Variants in PLA2G4F observed in about 807,000 individuals in gnomAD.
The protein encoded by PLA2G4F is cytosolic phospholipase A2 zeta.
In PLA2G4F, 105 loss-of-function variants were observed where a neutral mutation model predicts 103.1. The observed-to-expected ratio is 1.02, with a 90% CI of 0.87 to 1.20. The LOEUF (loss-of-function observed/expected upper bound fraction) is 1.20. Among genes scored for constraint, PLA2G4F ranks in the 50% most tolerant of loss-of-function variants. The probability of loss-of-function intolerance (pLI) is 0.00; values close to 1 mark genes in which losing one functional copy is unlikely to be tolerated. For synonymous variants in PLA2G4F, 468 were observed against 441.1 expected (o/e 1.06, Z -0.76); for missense variants, 1,155 against 1,075.9 (o/e 1.07, Z -1.03).
rs148739708 is a variant in PLA2G4F, at chr15:42,154,353, G to C, written c.290C>G (p.Thr97Ser). 53 of 1,611,102 alleles carry C rather than the reference G, an allele frequency of 3.3e-5. No individual in the cohort carries two copies. Among genetic ancestry groups the C allele is most frequent in the Non-Finnish European group, 4.4e-5 (52 of 1,178,094 alleles). Reference sequence around the variant, plus strand: ...AGCACCATGGATCTGGTAGTGGAAGGTCTCATTCCACTCGGGGTCACTGCA... The same window carrying C: ...AGCACCATGGATCTGGTAGTGGAAGCTCTCATTCCACTCGGGGTCACTGCA... ...ANCSDPEWNE[T>S]FHYQIHGAVK... is the part of the protein sequence containing the mutation. The change falls in exon 3 of 20, where the codon ACC becomes AGC. Residue 97 changes from threonine (T) to serine (S), a missense_variant. Thr to Ser is a moderately conservative substitution (Grantham distance 58). Around this residue, in one of 3 missense-constraint regions of PLA2G4F, gnomAD observed 370 missense variants for 364.9 expected, o/e 1.01. Coordinates refer to ENST00000397272, the MANE Select transcript of PLA2G4F (RefSeq NM_213600.4).
At chr15:42,148,779 A>T in intron 11 of PLA2G4F, 1 of 985,406 alleles carries the variant, frequency 1.0e-6, no homozygotes, top group Non-Finnish European at 1.2e-6. Context: ...GATTTGGCTC[A>T]TTCCACTCTG....
Position 42,154,420 on chromosome 15 carries a change from T to C in PLA2G4F, c.223A>G (p.Thr75Ala). 6.2e-7 allele frequency: 1 copy of C among 1,608,412 alleles called. No individual in the cohort carries two copies. Among genetic ancestry groups the C allele is most frequent in the African/African-American group, 1.3e-5 (1 of 74,900 alleles). The part of the protein sequence containing the change: ...ADCYVQLWLP[T>A]ASPSPAQTRI... ...GTCTGGGCAGGGCTTGGGGACGCCG[T>C]GGGCAGCCACAGTTGCACATAGCAG... Residue 75 changes from threonine to alanine, a missense_variant, in exon 3 of 20, where the codon ACG (threonine) becomes GCG (alanine). By Grantham distance (58) the Thr-to-Ala change is moderately conservative. Coordinates refer to ENST00000397272, the MANE Select transcript of PLA2G4F (RefSeq NM_213600.4).
intron 13 of PLA2G4F, chr15:42,146,879 C>A (rs529569846): frequency 8.4e-6 from 4 of 477,880 alleles, no homozygotes; most frequent in Non-Finnish European, 1.5e-5. Flanking sequence ...AAAGCTGCGC[C>A]GGTGATTCTA....
rs936650037 is a variant in PLA2G4F at position 42,142,646 on chromosome 15, A to G, written c.2211T>C (p.Pro737=). Residue 737 remains proline (P), a synonymous_variant, in exon 19 of 20, where the codon CCT becomes CCC. Transcript: ENST00000397272. ...ACTCACGGGCCTCCTCCATGTCCTCAGGGCCCACCTCGATGCTAGGGAAGG... is the reference window on the plus strand; with the variant it reads ...ACTCACGGGCCTCCTCCATGTCCTCGGGGCCCACCTCGATGCTAGGGAAGG... ...GIPFPSIEVG[P]EDMEEARECY... is the part of the protein sequence containing the mutation. 1.9e-6 allele frequency: 3 copies of G among 1,614,034 alleles called. No homozygotes were observed. Among genetic ancestry groups the G allele is most frequent in the Non-Finnish European group, 2.5e-6 (3 of 1,179,976 alleles).
intron 4 of PLA2G4F, 61 bp from the exon 5 acceptor site, chr15:42,153,721 C>A: frequency 1.3e-6 from 2 of 1,586,202 alleles, no homozygotes; most frequent in South Asian, 1.1e-5. Context: ...CAGAGCTGTT[C>A]CTGCCTGCCA....
chr15:42,141,352 C>G lies in PLA2G4F; in HGVS notation c.*632G>C, dbSNP rs535372191. On this transcript the variant is annotated 3_prime_UTR_variant, in exon 20 of 20. Coordinates refer to ENST00000397272, the MANE Select transcript of PLA2G4F (RefSeq NM_213600.4). ...CTGGAGCAGCCAGAATGGGACATCA[C>G]CCCACAGGCTTTAGGGCGCTGGGAA... 3 of 456,700 alleles carry G rather than the reference C, an allele frequency of 6.6e-6. No homozygotes were observed. In the Admixed American group the frequency reaches 7.0e-5, roughly 11 times the overall value. The allele number at this position is 456,700 out of a possible 1,614,324, so 28.3% of individuals were successfully genotyped here. A position where few individuals can be genotyped will look rare whatever the true frequency, so the allele number is the denominator to read the frequency against.
At chr15:42,150,034 A>G in intron 10 of PLA2G4F, 70 bp downstream of exon 10, 5 of 1,599,012 alleles carry the variant, frequency 3.1e-6, no homozygotes, top group Non-Finnish European at 4.3e-6. Context: ...AAGAGAATGG[A>G]GCACGTTGGG....
chr15:42,148,820 G>T, intron 11 of PLA2G4F: 1 of 985,272 alleles, frequency 1.0e-6, no homozygotes, highest in African/African-American at 1.7e-5. Context: ...TTCTCTTTTC[G>T]TCTCCTGTCT....
rs1400291096 is a variant in PLA2G4F at position 42,142,009 on chromosome 15, T to C, written c.2525A>G (p.Gln842Arg). ...CALQLALDRH[Q>R]ARERAGA ...TCAGGCCCCTGCCCTCTCCCGAGCC[T>C]GGTGCCGGTCCAGAGCCAGCTGGAG... Residue 842 changes from glutamine to arginine, a missense_variant, in exon 20 of 20, where the codon CAG (glutamine) becomes CGG (arginine). This residue lies in a region of PLA2G4F where 782 missense variants were observed against 692.9 expected (regional missense o/e 1.13). Transcript: ENST00000397272. 2.5e-6 allele frequency: 4 copies of C among 1,614,028 alleles called. No homozygotes were observed. Among genetic ancestry groups the C allele is most frequent in the Middle Eastern group, 1.7e-4 (1 of 5,944 alleles).
At chr15:42,147,871 T>C (rs78451061) in intron 11 of PLA2G4F, 109 bp from the exon 12 acceptor site, 66,904 of 1,461,484 alleles carry the variant, frequency 0.046, 1,679 homozygotes, top group Non-Finnish European at 0.051. Context: ...TATTATCTCA[T>C]TGAATCCTCA....
At chr15:42,148,703 G>A in intron 11 of PLA2G4F, 1 of 985,398 alleles carries the variant, frequency 1.0e-6, no homozygotes, top group Non-Finnish European at 1.2e-6. Context: ...AGGTTTTAAG[G>A]TCTCAGGATC....
In PLA2G4F at chr15:42,149,915, G is replaced by A. The variant is rs181050343; in HGVS notation, c.924-67C>T. ...GACTGTCCAGTGGAGGAGAGCCTTG[G>A]GCCCAGCCCAGGTCTTTCACAGGAG... On this transcript the variant is annotated intron_variant, in intron 10 of 19. Coordinates refer to ENST00000397272, the MANE Select transcript of PLA2G4F (RefSeq NM_213600.4). 1.1e-4 allele frequency: 174 copies of A among 1,580,010 alleles called. No individual in the cohort carries two copies. The African/African-American group carries it at 2.1e-3, about 19-fold the overall frequency.
intron 7 of PLA2G4F, chr15:42,151,746 A>G: frequency 1.2e-6 from 1 of 831,140 alleles, no homozygotes; most frequent in African/African-American, 1.8e-5. Flanking sequence ...TCATAAGAAG[A>G]AACCATATAA....
At position 42,153,343 on chromosome 15, in the gene PLA2G4F, C is replaced by T; in HGVS notation, c.492-1G>A. 1 of 1,613,950 alleles carries T rather than the reference C, an allele frequency of 6.2e-7. No individual in the cohort carries two copies. The highest frequency in any genetic ancestry group is 1.3e-5 in the African/African-American group (1 of 75,036). ...GATGACTTCAGATGCAGGCACCTGG[C>T]TGCAAAGGATGAGGAATACATGGAG... On this transcript the variant is annotated splice_acceptor_variant, in intron 5 of 19. Coordinates refer to ENST00000397272, the MANE Select transcript of PLA2G4F (RefSeq NM_213600.4). LOFTEE classifies it high-confidence loss of function.
Position 42,149,725 on chromosome 15 carries a change from C to G in PLA2G4F, c.1047G>C (p.Leu349=). ...LQQVLGLSEA[L]DSGQVPVVAV... The stretch of plus-strand genomic sequence containing the variant: ...CTCCATTACGTACCTGGCCACTGTC[C>G]AGAGCCTCACTCAATCCCAGCACTT... Residue 349 remains leucine (L), a synonymous_variant, in exon 11 of 20, where the codon CTG becomes CTC. Transcript: ENST00000397272. The G allele has an allele frequency of 6.2e-7, 1 of 1,614,220 alleles. No homozygotes were observed. Among genetic ancestry groups the G allele is most frequent in the Non-Finnish European group, 8.5e-7 (1 of 1,180,030 alleles).
In PLA2G4F at chr15:42,150,794, C is replaced by A; in HGVS notation, c.602-17G>T. The A allele has an allele frequency of 6.2e-7, 1 of 1,600,554 alleles. No homozygotes were observed. The highest frequency in any genetic ancestry group is 1.1e-5 in the South Asian group (1 of 88,862). On this transcript the variant is annotated splice_polypyrimidine_tract_variant and intron_variant, in intron 7 of 19. Transcript: ENST00000397272. ...GCCTAGAGCCTGAGAGCAGAGGGCC[C>A]AGGTGGGTGCGCAGGTGAGGGGGTG... is the stretch of plus-strand genomic sequence containing the variant.
Position 42,150,382 on chromosome 15 carries a change from G to C in PLA2G4F, c.876C>G (p.Ala292=), listed in dbSNP as rs960390279. The change falls in exon 9 of 20, where the codon GCC becomes GCG. Residue 292 remains alanine, a synonymous_variant. Coordinates refer to ENST00000397272, the MANE Select transcript of PLA2G4F (RefSeq NM_213600.4). The part of the protein sequence containing the change: ...PLGQEEQCSV[A]LGEGQEVALS... ...CCAGACAGAGCCTTACCTCCCCCAG[G>C]GCCACAGAACACTGTTCCTCCTGGC... 4 of 1,609,470 alleles carry C rather than the reference G, an allele frequency of 2.5e-6. No homozygotes were observed. The highest frequency in any genetic ancestry group is 3.4e-6 in the Non-Finnish European group (4 of 1,178,382).
chr15:42,148,290 C>A (rs1375629423), intron 11 of PLA2G4F, among the ~76,000 whole-genome samples: 1 of 152,074 alleles, frequency 6.6e-6, no homozygotes, highest in Admixed American at 6.5e-5. Context: ...TGAGCTCTCA[C>A]ACCTAAGCAG....
At chr15:42,147,517 C>T in intron 12 of PLA2G4F, 109 bp downstream of exon 12, 1 of 1,439,934 alleles carries the variant, frequency 6.9e-7, no homozygotes, top group Non-Finnish European at 9.5e-7. Flanking sequence ...CTCCTAACAC[C>T]CTGGGAGGCA....
Sources: gnomAD v4.1 joint callset for allele counts (sites outside exome capture counted in the v4.1 genomes callset) on GRCh38, gnomAD v4.1.1 for gene constraint, gnomAD v4.1.1 regional missense constraint, MANE v1.5 for transcripts, NCBI Gene and HGNC (gene_info 2026-07-23, HGNC 2026-07-21) for gene names.